Variants in DNAI3 observed in about 807,000 individuals in gnomAD.
DNAI3 encodes the protein WD repeat domain 63.
DNAI3 carries 83 observed loss-of-function variants against 115.5 expected under a neutral mutation model. The ratio of observed to expected loss-of-function variants is 0.72; its 90% CI spans 0.60 to 0.86. The LOEUF is 0.86. Among genes scored for constraint, DNAI3 ranks in the 40% least tolerant of loss-of-function variants. The pLI, the probability that DNAI3 is intolerant of heterozygous loss-of-function variation, is 0.00. For missense variants in DNAI3, 1,004 were observed against 1,075.8 expected (o/e 0.93, Z 0.93); for synonymous variants, 320 against 347.0 (o/e 0.92, Z 0.86).
chr1:85,068,965 C>G (rs952337404), intron 1 of DNAI3, among the ~76,000 whole-genome samples: 2 of 152,220 alleles, frequency 1.3e-5, no homozygotes, highest in Non-Finnish European at 2.9e-5. Flanking sequence ...AGGCCTGCTT[C>G]TTCAGCCTGG....
chr1:85,108,532 G>A (rs1412143838), intron 15 of DNAI3, among the ~76,000 whole-genome samples: 4 of 152,122 alleles, frequency 2.6e-5, no homozygotes, highest in African/African-American at 9.7e-5. Flanking sequence ...GAAAAAGGGA[G>A]CAGAAAAACA....
At chr1:85,076,515 G>T (rs952498495) in intron 3 of DNAI3, among the ~76,000 whole-genome samples, 1 of 152,166 alleles carries the variant, frequency 6.6e-6, no homozygotes, top group African/African-American at 2.4e-5. Context: ...TGAAAAAAGA[G>T]GTTTAATTGA....
intron 3 of DNAI3, 41 bp from the exon 4 acceptor site, chr1:85,081,193 T>A (rs767590373): frequency 2.0e-6 from 3 of 1,470,850 alleles, no homozygotes; most frequent in Non-Finnish European, 9.0e-7. Context: ...ATATTTTAAG[T>A]GGTCATATTT....
At chr1:85,115,792 C>T (rs552485483) in intron 16 of DNAI3, among the ~76,000 whole-genome samples, 138 of 152,272 alleles carry the variant, frequency 9.1e-4, no homozygotes, top group African/African-American at 3.2e-3. Context: ...ATAGTGTTCA[C>T]GCTTCTGTGA....
At chr1:85,116,220 G>A (rs1446715631) in intron 16 of DNAI3, among the ~76,000 whole-genome samples, 1 of 152,064 alleles carries the variant, frequency 6.6e-6, no homozygotes, top group East Asian at 1.9e-4. Context: ...TGTCTCCTGG[G>A]TTTAAACCCA....
intron 1 of DNAI3, among the ~76,000 whole-genome samples, chr1:85,066,580 G>A (rs1452975219): frequency 1.3e-5 from 2 of 151,780 alleles, no homozygotes; most frequent in Admixed American, 1.3e-4. Context: ...TGCCCGCCTC[G>A]GCCTCCCAAA....
chr1:85,076,479 A>G (rs2100561129), intron 3 of DNAI3, among the ~76,000 whole-genome samples: 1 of 152,354 alleles, frequency 6.6e-6, no homozygotes, highest in South Asian at 2.1e-4. Flanking sequence ...TCTAATAAAG[A>G]CATACCTGAG....
chr1:85,108,632 T>A (rs1463911259), intron 15 of DNAI3, among the ~76,000 whole-genome samples: 1 of 152,118 alleles, frequency 6.6e-6, no homozygotes, highest in Non-Finnish European at 1.5e-5. Context: ...AATTATTATT[T>A]TTGGATTCAG....
chr1:85,128,882 A>T, intron 21 of DNAI3, 83 bp downstream of exon 21: 1 of 1,298,108 alleles, frequency 7.7e-7, no homozygotes, highest in Non-Finnish European at 1.1e-6. Context: ...TAGAAATGAC[A>T]GCATTTTTGC....
chr1:85,100,263 A>G (rs972309166), intron 13 of DNAI3, among the ~76,000 whole-genome samples: 3 of 152,240 alleles, frequency 2.0e-5, no homozygotes, highest in Admixed American at 6.5e-5. Context: ...AATGAACTCA[A>G]ACAAATTTAC....
intron 20 of DNAI3, among the ~76,000 whole-genome samples, chr1:85,127,375 G>A (rs1307051242): frequency 6.6e-6 from 1 of 152,062 alleles, no homozygotes; most frequent in African/African-American, 2.4e-5. Context: ...CGCCCAAGTA[G>A]TAATTTCTAT....
rs1654657890 is a variant in DNAI3 at position 85,082,366 on chromosome 1, C to G, written c.352C>G (p.Leu118Val). 11 of 1,613,820 alleles carry G rather than the reference C, an allele frequency of 6.8e-6. No homozygotes were observed. Among genetic ancestry groups the G allele is most frequent in the Non-Finnish European group, 9.3e-6 (11 of 1,179,818 alleles). ...KDFKYGLNFY[L>V]IATEEGKENY... Reference sequence around the variant, plus strand: ...CTTCAAATATGGACTTAACTTTTATCTTATTGCAACTGAAGAGGGCAAAGA... The same window carrying G: ...CTTCAAATATGGACTTAACTTTTATGTTATTGCAACTGAAGAGGGCAAAGA... Residue 118 changes from leucine (L) to valine (V), a missense_variant, in exon 5 of 23, where the codon CTT (leucine) becomes GTT (valine). By Grantham distance (32) the Leu-to-Val change is conservative. Coordinates refer to ENST00000294664, the MANE Select transcript of DNAI3 (RefSeq NM_145172.5).
At chr1:85,124,340 G>A in intron 19 of DNAI3, 89 bp downstream of exon 19, 1 of 1,570,298 alleles carries the variant, frequency 6.4e-7, no homozygotes, top group South Asian at 1.1e-5. Context: ...ACATAATAGT[G>A]CCTTTGGGAC....
Position 85,110,079 on chromosome 1 carries a change from A to T in DNAI3, c.1730A>T (p.Asp577Val), listed in dbSNP as rs1261032491. Residue 577 changes from aspartate to valine, a missense_variant, in exon 16 of 23, where the codon GAC becomes GTC. Physicochemically the swap from Asp to Val is radical, Grantham distance 152 (BLOSUM62 -3). Transcript: ENST00000294664. ...VRLSKGETSL[D>V]HCPTKISLNE... ...CTGTCCAAGGGTGAAACAAGTTTAG[A>T]CCACTGTCCAACCAAGATAAGCCTG... The T allele has an allele frequency of 2.5e-6, 4 of 1,613,390 alleles. No homozygotes were observed. In the South Asian group the frequency reaches 3.3e-5, roughly 13 times the overall value.
At chr1:85,071,476 T>G (rs141265292) in intron 1 of DNAI3, among the ~76,000 whole-genome samples, 6 of 152,358 alleles carry the variant, frequency 3.9e-5, no homozygotes, top group Admixed American at 2.6e-4. Flanking sequence ...ATTACGTTAA[T>G]TTAAAAATTA....
At chr1:85,079,271 A>G (rs1654553789) in intron 3 of DNAI3, among the ~76,000 whole-genome samples, 1 of 152,228 alleles carries the variant, frequency 6.6e-6, no homozygotes, top group Non-Finnish European at 1.5e-5. Flanking sequence ...GAGGGAGATA[A>G]AAGTGTATAA....
At position 85,133,084 on chromosome 1, in the gene DNAI3, A is replaced by C; in HGVS notation, c.*86A>C. The C allele has an allele frequency of 7.3e-7, 1 of 1,368,542 alleles. No homozygotes were observed. The highest frequency in any genetic ancestry group is 2.4e-5 in the East Asian group (1 of 41,076). The allele number at this position is 1,368,542 out of a possible 1,614,324, so 84.8% of individuals were successfully genotyped here. ...GAACTGGCATGCTGAACATATATAT[A>C]TATAGGCTCATTTATAGACTTTTAT... On this transcript the variant is annotated 3_prime_UTR_variant, in exon 23 of 23. Coordinates refer to ENST00000294664, the MANE Select transcript of DNAI3 (RefSeq NM_145172.5).
intron 13 of DNAI3, 147 bp downstream of exon 13, chr1:85,098,805 G>A: frequency 8.5e-7 from 1 of 1,172,326 alleles, no homozygotes; most frequent in Non-Finnish European, 1.2e-6. Context: ...GGTTACTGTT[G>A]CCAGACCAGT....
At chr1:85,081,198 A>G in intron 3 of DNAI3, 36 bp from the exon 4 acceptor site, 27 of 1,507,072 alleles carry the variant, frequency 1.8e-5, no homozygotes, top group Non-Finnish European at 2.4e-5. Flanking sequence ...TTAAGTGGTC[A>G]TATTTAATGT....
Sources: allele counts gnomAD v4.1 joint callset (sites outside exome capture counted in the v4.1 genomes callset), GRCh38; gene constraint gnomAD v4.1.1; transcripts MANE v1.5; gene names NCBI Gene and HGNC (gene_info 2026-07-23, HGNC 2026-07-21).